Variants in MSRB3 observed in about 807,000 individuals in gnomAD.
MSRB3 encodes the protein methionine-R-sulfoxide reductase B3.
MSRB3 carries 13 observed loss-of-function variants against 21.0 expected under a neutral mutation model. That is an observed-to-expected ratio of 0.62 (90% CI 0.40 to 0.98). MSRB3 has a LOEUF of 0.98. MSRB3 is among the 50% of genes least tolerant of loss of function. The pLI is 0.00. For synonymous variants in MSRB3, 87 were observed against 88.6 expected (o/e 0.98, Z 0.10); for missense variants, 199 against 230.3 (o/e 0.86, Z 0.88).
chr12:65,342,693 T>C (rs1313393446), intron 4 of MSRB3, among the ~76,000 whole-genome samples: 1 of 152,042 alleles, frequency 6.6e-6, no homozygotes, highest in East Asian at 1.9e-4. Context: ...ATCATTCTTC[T>C]TATGATACAA....
At chr12:65,337,605 T>G (rs1264882006) in intron 4 of MSRB3, among the ~76,000 whole-genome samples, 2 of 152,096 alleles carry the variant, frequency 1.3e-5, no homozygotes, top group Non-Finnish European at 2.9e-5. Context: ...AGAAACATGC[T>G]AGAAAAGATA....
chr12:65,333,810 T>A (rs1037934995), intron 4 of MSRB3, among the ~76,000 whole-genome samples: 1 of 152,206 alleles, frequency 6.6e-6, no homozygotes, highest in African/African-American at 2.4e-5. Context: ...TTGGAGTGAA[T>A]TTCACAATGG....
chr12:65,419,123 C>A, intron 5 of MSRB3: 1 of 683,284 alleles, frequency 1.5e-6, no homozygotes, highest in South Asian at 1.6e-5. Context: ...TGTTACAGCT[C>A]ATCTGTTGAG....
intron 4 of MSRB3, among the ~76,000 whole-genome samples, chr12:65,348,827 C>T (rs929197508): frequency 1.3e-5 from 2 of 152,120 alleles, no homozygotes; most frequent in African/African-American, 4.8e-5. Flanking sequence ...TTTATTTCTG[C>T]CTTCATTTCG....
chr12:65,320,884 T>C (rs1874618909), intron 2 of MSRB3, among the ~76,000 whole-genome samples: 1 of 152,190 alleles, frequency 6.6e-6, no homozygotes, highest in African/African-American at 2.4e-5. Context: ...TCACTGAGGT[T>C]ACCTGTCTCT....
chr12:65,355,998 TTGAC>T (rs1435878624), intron 4 of MSRB3, among the ~76,000 whole-genome samples: 4 of 152,048 alleles, frequency 2.6e-5, no homozygotes, highest in African/African-American at 9.6e-5. Context: ...ATAAATGCTC[TTGAC>T]TGACTATGAC....
At chr12:65,446,511 A>C (rs538289679) in intron 5 of MSRB3, among the ~76,000 whole-genome samples, 69 of 152,338 alleles carry the variant, frequency 4.5e-4, no homozygotes, top group African/African-American at 1.5e-3. Context: ...TGAAGAGACT[A>C]AAGTCTGCAG....
chr12:65,295,243 A>G (rs1310084353), intron 1 of MSRB3, among the ~76,000 whole-genome samples: 2 of 152,222 alleles, frequency 1.3e-5, no homozygotes, highest in African/African-American at 4.8e-5. Flanking sequence ...TGAAAAAGTA[A>G]AAAATGCAGT....
intron 5 of MSRB3, among the ~76,000 whole-genome samples, chr12:65,437,132 G>A (rs1222570937): frequency 1.3e-5 from 2 of 151,810 alleles, no homozygotes; most frequent in Non-Finnish European, 2.9e-5. Flanking sequence ...AGTAATTTTG[G>A]TATGGACAAC....
At chr12:65,416,725 T>G (rs557923261) in intron 5 of MSRB3, among the ~76,000 whole-genome samples, 48 of 152,336 alleles carry the variant, frequency 3.2e-4, no homozygotes, top group Non-Finnish European at 6.0e-4. Flanking sequence ...TCAGATCCAT[T>G]ATAATATTAC....
chr12:65,348,115 G>C (rs1024122408), intron 4 of MSRB3, among the ~76,000 whole-genome samples: 3 of 152,182 alleles, frequency 2.0e-5, no homozygotes, highest in Middle Eastern at 6.8e-3. Flanking sequence ...GAGTTAGGGA[G>C]GATTCCCTCT....
chr12:65,361,432 T>G (rs1323848205), intron 4 of MSRB3, among the ~76,000 whole-genome samples: 2 of 152,106 alleles, frequency 1.3e-5, no homozygotes, highest in Non-Finnish European at 2.9e-5. Context: ...GGACAAGAAA[T>G]AGACCTATTT....
Position 65,278,860 on chromosome 12 carries a change from A to G in MSRB3, c.-57A>G, listed in dbSNP as rs916327879. The G allele has an allele frequency of 1.3e-6, 2 of 1,557,790 alleles. No homozygotes were observed. The highest frequency in any genetic ancestry group is 8.7e-7 in the Non-Finnish European group (1 of 1,150,560). ...CTGGCCGCGGCTCTGGGAAGTGCGC[A>G]GTCCGGTAAGTTCGGGCTCCCCTCC... On this transcript the variant is annotated 5_prime_UTR_variant, in exon 1 of 7. Transcript: ENST00000308259.
chr12:65,403,947 C>G (rs1186215154), intron 5 of MSRB3, among the ~76,000 whole-genome samples: 1 of 152,224 alleles, frequency 6.6e-6, no homozygotes, highest in Non-Finnish European at 1.5e-5. Flanking sequence ...ACTGTCTAAC[C>G]AGTCCCAGTG....
intron 1 of MSRB3, chr12:65,286,626 T>C (rs1458916123): frequency 6.6e-6 from 1 of 151,924 alleles, no homozygotes; most frequent in Non-Finnish European, 1.5e-5. Flanking sequence ...GGGTCACTTA[T>C]TTTATTTAAA....
At chr12:65,431,609 T>C (rs1881881276) in intron 5 of MSRB3, among the ~76,000 whole-genome samples, 1 of 152,054 alleles carries the variant, frequency 6.6e-6, no homozygotes, top group Non-Finnish European at 1.5e-5. Context: ...TTTTTTAAAG[T>C]TCTTTTTGAA....
chr12:65,430,544 C>G (rs1241867168), intron 5 of MSRB3, among the ~76,000 whole-genome samples: 1 of 152,038 alleles, frequency 6.6e-6, no homozygotes, highest in African/African-American at 2.4e-5. Context: ...GTAGTAAGGT[C>G]AGGGTAGCCT....
intron 1 of MSRB3, among the ~76,000 whole-genome samples, chr12:65,298,320 A>G (rs1873107055): frequency 6.6e-6 from 1 of 152,200 alleles, no homozygotes; most frequent in Non-Finnish European, 1.5e-5. Flanking sequence ...ACTACTTTCT[A>G]ACAAAGAAAT....
intron 6 of MSRB3, among the ~76,000 whole-genome samples, chr12:65,460,707 CT>C (rs1883288000): frequency 6.7e-6 from 1 of 148,156 alleles, no homozygotes; most frequent in Admixed American, 6.7e-5. Context: ...TTTTCATAGT[CT>C]TTTTCTAACT....
Sources: gnomAD v4.1 joint callset for allele counts (sites outside exome capture counted in the v4.1 genomes callset) on GRCh38, gnomAD v4.1.1 for gene constraint, MANE v1.5 for transcripts, NCBI Gene and HGNC (gene_info 2026-07-23, HGNC 2026-07-21) for gene names.